The following CEP70 variants were observed in gnomAD, a reference collection of about 807,000 sequenced individuals.
CEP70 encodes the protein centrosomal protein of 70 kDa.
Under a neutral mutation model 90.9 loss-of-function variants are expected in CEP70, and 70 were observed. That is an observed-to-expected ratio of 0.77 (90% confidence interval 0.64 to 0.94). CEP70 has a LOEUF of 0.94. CEP70 is among the 40% of genes least tolerant of loss of function. The probability of loss-of-function intolerance (pLI) is 0.00; values close to 1 mark genes in which losing one functional copy is unlikely to be tolerated. For missense variants in CEP70, 648 were observed against 669.0 expected, an observed-to-expected ratio of 0.97 and a Z score of 0.35; for synonymous variants, 220 against 228.3, an observed-to-expected ratio of 0.96 and a Z score of 0.33.
intron 2 of CEP70, among the ~76,000 whole-genome samples, chr3:138,585,395 G>A (rs532356446): frequency 6.6e-6 from 1 of 151,896 alleles, no homozygotes; most frequent in Non-Finnish European, 1.5e-5. Context: ...AATTGAAGAG[G>A]CCACAAAAAA....
chr3:138,576,401 ACTAT>A (rs1368016883), intron 2 of CEP70, among the ~76,000 whole-genome samples: 1 of 152,232 alleles, frequency 6.6e-6, no homozygotes, highest in Non-Finnish European at 1.5e-5. Flanking sequence ...AGAAGAGCTA[ACTAT>A]CCTAAATATA....
chr3:138,502,827 T>A (rs1337743615), intron 13 of CEP70, among the ~76,000 whole-genome samples: 1 of 152,150 alleles, frequency 6.6e-6, no homozygotes, highest in Non-Finnish European at 1.5e-5. Context: ...AGTACTACCA[T>A]GAGCCAGCCT....
chr3:138,572,464 A>C (rs2041241939), intron 3 of CEP70, among the ~76,000 whole-genome samples: 1 of 152,230 alleles, frequency 6.6e-6, no homozygotes, highest in Non-Finnish European at 1.5e-5. Context: ...TCATAAAAAC[A>C]AAATGCTCTA....
chr3:138,497,330 TTAAA>T, intron 17 of CEP70: 1 of 1,241,018 alleles, frequency 8.1e-7, no homozygotes, highest in Non-Finnish European at 1.0e-6. Context: ...GAGCCATTCT[TTAAA>T]AAAAAAAAAA....
chr3:138,507,174 T>C (rs2035064469), intron 12 of CEP70, among the ~76,000 whole-genome samples: 1 of 152,102 alleles, frequency 6.6e-6, no homozygotes, highest in Admixed American at 6.5e-5. Context: ...CCATTTACAA[T>C]AGCAATAAAA....
chr3:138,516,087 T>C (rs2035989596), intron 11 of CEP70, among the ~76,000 whole-genome samples: 1 of 152,198 alleles, frequency 6.6e-6, no homozygotes, highest in South Asian at 2.1e-4. Flanking sequence ...TCCAAACTCA[T>C]ATAATGGCTA....
At chr3:138,525,388 G>T in intron 11 of CEP70, 102 bp downstream of exon 11, 1 of 348,428 alleles carries the variant, frequency 2.9e-6, no homozygotes, top group Non-Finnish European at 4.8e-6. Flanking sequence ...ACGTTGTGCA[G>T]ATGTACCCTT....
intron 2 of CEP70, among the ~76,000 whole-genome samples, chr3:138,577,804 C>T (rs889210320): frequency 6.6e-6 from 1 of 152,032 alleles, no homozygotes; most frequent in Non-Finnish European, 1.5e-5. Context: ...TTAAAAGAGA[C>T]TGTCAAACTA....
intron 6 of CEP70, among the ~76,000 whole-genome samples, chr3:138,557,597 CTGTT>C (rs2040107861): frequency 6.6e-6 from 1 of 152,008 alleles, no homozygotes; most frequent in Non-Finnish European, 1.5e-5. Flanking sequence ...GCCAGTCCCT[CTGTT>C]TGGGGTCCCT....
chr3:138,557,591 G>C (rs1294006492), intron 6 of CEP70, among the ~76,000 whole-genome samples: 1 of 152,212 alleles, frequency 6.6e-6, no homozygotes, highest in Non-Finnish European at 1.5e-5. Flanking sequence ...GCTTCAGCCA[G>C]TCCCTCTGTT....
intron 2 of CEP70, among the ~76,000 whole-genome samples, chr3:138,589,708 C>G (rs867165736): frequency 6.6e-6 from 1 of 151,642 alleles, no homozygotes; most frequent in Non-Finnish European, 1.5e-5. Context: ...GAAAAAAACC[C>G]ACATGACTTA....
rs560412917 is a variant in CEP70 at position 138,523,908 on chromosome 3, C to T, written c.944+1582G>A. The stretch of plus-strand genomic sequence containing the variant: ...TCATATGGAACCAAAAAAGAGCCCG[C>T]ATTGCCAAGTCAATCCTAAGCCAAA... On this transcript the variant is annotated intron_variant, in intron 11 of 17. Transcript: ENST00000264982. Among the ~76,000 whole-genome samples, 715 of 151,956 alleles carry T rather than the reference C, an allele frequency of 4.7e-3. 4 individuals are homozygous for T. Among genetic ancestry groups the T allele is most frequent in the African/African-American group, 0.017 (688 of 41,340 alleles).
intron 6 of CEP70, among the ~76,000 whole-genome samples, chr3:138,568,650 T>C (rs969998896): frequency 3.9e-5 from 6 of 152,140 alleles, no homozygotes; most frequent in Non-Finnish European, 7.4e-5. Context: ...AGAGATTTTA[T>C]AAATATACTA....
chr3:138,500,465 C>T lies in CEP70; in HGVS notation c.1471G>A (p.Glu491Lys), dbSNP rs2034396925. ...ATTTCTCCAAGCCTAGTATAAACTT[C>T]ATTCATTCGGGGATAGACTCCATTT... ...SLNGVYPRMN[E>K]VYTRLGEMNN... The change falls in exon 15 of 18, where the codon GAA becomes AAA. Residue 491 changes from glutamate to lysine, a missense_variant. Transcript: ENST00000264982. The T allele has an allele frequency of 1.2e-6, 2 of 1,610,978 alleles. No individual in the cohort carries two copies. The highest frequency in any genetic ancestry group is 1.7e-6 in the Non-Finnish European group (2 of 1,179,308).
At chr3:138,523,537 C>A (rs2036896710) in intron 11 of CEP70, among the ~76,000 whole-genome samples, 1 of 152,064 alleles carries the variant, frequency 6.6e-6, no homozygotes, top group Admixed American at 6.6e-5. Context: ...TCTCAGGATA[C>A]AAAATCAATG....
intron 8 of CEP70, among the ~76,000 whole-genome samples, chr3:138,529,959 T>C (rs923912314): frequency 9.2e-5 from 14 of 152,206 alleles, no homozygotes; most frequent in Non-Finnish European, 1.8e-4. Flanking sequence ...CACTAACTAG[T>C]TGTATTATTT....
intron 2 of CEP70, among the ~76,000 whole-genome samples, chr3:138,585,182 C>A (rs901042763): frequency 6.6e-6 from 1 of 152,074 alleles, no homozygotes; most frequent in African/African-American, 2.4e-5. Flanking sequence ...AACTGGTAAA[C>A]AAATTCAGTA....
chr3:138,590,258 T>C (rs1026200960), intron 2 of CEP70, among the ~76,000 whole-genome samples: 2 of 152,158 alleles, frequency 1.3e-5, no homozygotes, highest in Admixed American at 6.6e-5. Context: ...TTCTTGAGAA[T>C]CATGATTCTC....
chr3:138,496,054 T>G, intron 17 of CEP70: 1 of 985,432 alleles, frequency 1.0e-6, no homozygotes, highest in Non-Finnish European at 1.2e-6. Flanking sequence ...ATTCACTCTC[T>G]GAAGCTCCTG....
Sources: gnomAD v4.1 joint callset for allele counts (sites outside exome capture counted in the v4.1 genomes callset) on GRCh38, gnomAD v4.1.1 for gene constraint, MANE v1.5 for transcripts, NCBI Gene and HGNC (gene_info 2026-07-23, HGNC 2026-07-21) for gene names.